TMPRSS9: variants seen among roughly 807,000 people sequenced by gnomAD.
The protein encoded by TMPRSS9 is transmembrane protease serine 9.
A neutral mutation model predicts 111.4 loss-of-function variants in TMPRSS9; 113 were observed. The ratio of observed to expected loss-of-function variants is 1.01; its 90% CI spans 0.87 to 1.19. The LOEUF is 1.19. Among genes scored for constraint, TMPRSS9 ranks in the 50% most tolerant of loss-of-function variants. The pLI is 0.00. For missense variants in TMPRSS9, 1,803 were observed against 1,513.1 expected (o/e 1.19, Z -3.18); for synonymous variants, 805 against 659.1 (o/e 1.22, Z -3.39).
chr19:2,384,995 A>AG (rs1406904511), upstream of TMPRSS9, among the ~76,000 whole-genome samples: 4 of 147,334 alleles, frequency 2.7e-5, no homozygotes, highest in South Asian at 8.6e-4. Flanking sequence ...AAAAAAAAAA[A>AG]AGAGAGAAAA....
intron 1 of TMPRSS9, among the ~76,000 whole-genome samples, chr19:2,379,295 C>A (rs1194622025): frequency 6.7e-6 from 1 of 150,268 alleles, no homozygotes; most frequent in Admixed American, 6.7e-5. Context: ...ATGCCATTCT[C>A]CTGCCTCAGC....
chr19:2,374,967 C>T lies in TMPRSS9; in HGVS notation c.-26+14607C>T, dbSNP rs147935758. ...GGGGGCACAGAACTTGGCTCCACGA[C>T]GAAACAGGTCCCGTGGAGGAGCTGG... On this transcript the variant is annotated intron_variant, in intron 1 of 17. Coordinates refer to the TMPRSS9 transcript ENST00000649857. Among the ~76,000 whole-genome samples the T allele has an allele frequency of 2.8e-4, 42 of 152,314 alleles. No individual in the cohort carries two copies. The East Asian group carries it at 7.2e-3, about 26-fold the overall frequency.
At chr19:2,367,347 A>AT (rs1970255345) in intron 1 of TMPRSS9, among the ~76,000 whole-genome samples, 1 of 152,134 alleles carries the variant, frequency 6.6e-6, no homozygotes, top group Non-Finnish European at 1.5e-5. Context: ...AAATGAGATG[A>AT]TGACTGTAAA....
intron 13 of TMPRSS9, among the ~76,000 whole-genome samples, chr19:2,421,120 C>T (rs1971453671): frequency 6.6e-6 from 1 of 150,972 alleles, no homozygotes; most frequent in Non-Finnish European, 1.5e-5. Flanking sequence ...GCAGGAGAAT[C>T]ACTTGAACCC....
Position 2,418,297 on chromosome 19 carries a change from TTCCCTCCCTTTCCCTCCC to T in TMPRSS9, c.2154+169_2154+186del, listed in dbSNP as rs1971312455. 5.7e-5 allele frequency among the ~76,000 whole-genome samples: 3 copies of T among 53,074 alleles called. 1 individual carries two copies. Among genetic ancestry groups the T allele is most frequent in the Middle Eastern group, 0.013 (2 of 160 alleles). The allele number at this position is 53,074 out of a possible 152,430, so 34.8% of individuals were successfully genotyped here. A position where few individuals can be genotyped will look rare whatever the true frequency, so the allele number is the denominator to read the frequency against. On this transcript the variant is annotated intron_variant, in intron 13 of 17. Coordinates refer to ENST00000648592, the Ensembl canonical transcript of TMPRSS9. Reference sequence around the variant, plus strand: ...CCCTCCTTTTCCTTTCCTCCTTTCCTTCCCTCCCTTTCCCTCCCTCCCTCCCTCCCTCCCTTTCCTTCC... The same window carrying T: ...CCCTCCTTTTCCTTTCCTCCTTTCCTTCCCTCCCTCCCTCCCTTTCCTTCC...
At position 2,372,882 on chromosome 19, in the gene TMPRSS9, A is replaced by T. The variant is rs544239388; in HGVS notation, c.-26+12522A>T. Among the ~76,000 whole-genome samples the T allele has an allele frequency of 2.0e-5, 3 of 152,308 alleles. No individual in the cohort carries two copies. In the East Asian group the frequency reaches 5.8e-4, roughly 29 times the overall value. ...AGTCTTGCTCTATCACCCATGCTGGAGTGCAGTGGCACAATCATAGTTCAC... is the reference window on the plus strand; with the variant it reads ...AGTCTTGCTCTATCACCCATGCTGGTGTGCAGTGGCACAATCATAGTTCAC... On this transcript the variant is annotated intron_variant, in intron 1 of 17. Transcript: ENST00000649857.
At chr19:2,419,780 C>G (rs535223977) in intron 13 of TMPRSS9, among the ~76,000 whole-genome samples, 1 of 152,234 alleles carries the variant, frequency 6.6e-6, no homozygotes, top group East Asian at 1.9e-4. Context: ...GCCTCCCAAA[C>G]TGCTAGGATG....
chr19:2,380,226 A>G (rs1376976966), intron 1 of TMPRSS9, among the ~76,000 whole-genome samples: 1 of 151,984 alleles, frequency 6.6e-6, no homozygotes, highest in Non-Finnish European at 1.5e-5. Flanking sequence ...CGAGGCTGCA[A>G]TGAGCTACAA....
intron 9 of TMPRSS9, among the ~76,000 whole-genome samples, chr19:2,410,647 C>T (rs989706707): frequency 3.9e-5 from 6 of 152,104 alleles, no homozygotes; most frequent in Non-Finnish European, 7.4e-5. Flanking sequence ...AAGCTCTAAC[C>T]TGACTTCAAT....
chr19:2,365,337 G>GAA lies in TMPRSS9; in HGVS notation c.-26+4986_-26+4987dup, dbSNP rs368289868. On this transcript the variant is annotated intron_variant, in intron 1 of 17. Coordinates refer to the TMPRSS9 transcript ENST00000649857. ...CTAACAAAAAGACCATAGACAAAAT[G>GAA]AAAAAAAAAAGGAGACCAAGCTTAT... 2.3e-3 allele frequency among the ~76,000 whole-genome samples: 337 copies of GAA among 145,830 alleles called. 3 individuals carry two copies. The highest frequency in any genetic ancestry group is 7.7e-3 in the African/African-American group (305 of 39,794).
intron 4 of TMPRSS9, among the ~76,000 whole-genome samples, chr19:2,401,748 C>T (rs933562357): frequency 6.6e-6 from 1 of 151,626 alleles, no homozygotes; most frequent in Admixed American, 6.6e-5. Flanking sequence ...GCTGGGATTA[C>T]AGGCGCCCGG....
At chr19:2,415,917 C>T (rs926497181) in intron 11 of TMPRSS9, 76 bp downstream of exon 12, 25 of 1,475,792 alleles carry the variant, frequency 1.7e-5, no homozygotes, top group Non-Finnish European at 2.2e-5. Flanking sequence ...AACCATCCTG[C>T]TGGGGCTGCT....
At chr19:2,403,101 C>T in exon 6 of TMPRSS9, 1 of 1,611,300 alleles carries the variant, frequency 6.2e-7, no homozygotes, top group Non-Finnish European at 8.5e-7. Context: ...CAGGGAACTC[C>T]TTTTCCTGCG....
chr19:2,360,754 C>T (rs1288007810), intron 1 of TMPRSS9, among the ~76,000 whole-genome samples: 1 of 150,832 alleles, frequency 6.6e-6, no homozygotes, highest in Non-Finnish European at 1.5e-5. Flanking sequence ...TGGATGCGGC[C>T]GGGGTTGTGT....
At chr19:2,422,086 T>G (rs1568192775) in exon 14 of TMPRSS9, 1 of 1,608,042 alleles carries the variant, frequency 6.2e-7, no homozygotes, top group Non-Finnish European at 8.5e-7. Flanking sequence ...ACAGCTGGCC[T>G]CACAGTCCCG....
At chr19:2,397,493 G>C (rs1473964712) in intron 2 of TMPRSS9, among the ~76,000 whole-genome samples, 1 of 152,104 alleles carries the variant, frequency 6.6e-6, no homozygotes, top group African/African-American at 2.4e-5. Flanking sequence ...ACTGGAATAT[G>C]ACTCAGCCAG....
At chr19:2,374,209 T>C (rs897684421) in intron 1 of TMPRSS9, among the ~76,000 whole-genome samples, 1 of 147,970 alleles carries the variant, frequency 6.8e-6, no homozygotes, top group African/African-American at 2.5e-5. Context: ...CTCAAAGTCC[T>C]GCCTGTCCAT....
At chr19:2,413,954 C>A in exon 10 of TMPRSS9, 1 of 1,611,942 alleles carries the variant, frequency 6.2e-7, no homozygotes, top group Non-Finnish European at 8.5e-7. Context: ...TCAGCACCCC[C>A]ACCAAATCGA....
At chr19:2,385,599 C>T (rs754916207), upstream of TMPRSS9, among the ~76,000 whole-genome samples, 3 of 152,056 alleles carry the variant, frequency 2.0e-5, no homozygotes, top group Non-Finnish European at 2.9e-5. Flanking sequence ...CCGGGTACAG[C>T]GGCTCACATC....
Sources: allele counts gnomAD v4.1 joint callset (sites outside exome capture counted in the v4.1 genomes callset), GRCh38; gene constraint gnomAD v4.1.1; transcripts MANE v1.5; gene names NCBI Gene and HGNC (gene_info 2026-07-23, HGNC 2026-07-21).